CDH3: variants seen among roughly 807,000 people sequenced by gnomAD.
CDH3 encodes cadherin-3.
In CDH3, 54 loss-of-function variants were observed where a neutral mutation model predicts 82.0. That is an observed-to-expected ratio of 0.66 (90% CI 0.53 to 0.83). CDH3 has a LOEUF of 0.83. Among genes scored for constraint, CDH3 ranks in the 40% least tolerant of loss-of-function variants. The pLI is 0.00. For synonymous variants in CDH3, 446 were observed against 437.9 expected, an observed-to-expected ratio of 1.02 and a Z score of -0.23; for missense variants, 1,054 against 1,084.6, an observed-to-expected ratio of 0.97 and a Z score of 0.40.
In CDH3 at chr16:68,645,698, G is replaced by A. The variant is rs886972710; in HGVS notation, c.108G>A (p.Val36=). The A allele has an allele frequency of 7.1e-6, 11 of 1,546,284 alleles. No individual in the cohort carries two copies. Among genetic ancestry groups the A allele is most frequent in the Non-Finnish European group, 9.6e-6 (11 of 1,146,638 alleles). Reference sequence around the variant, plus strand: ...GGGCGGTCTTCAGGGAGGCTGAAGTGACCTTGGAGGCGGGAGGCGCGGAGC... The same window carrying A: ...GGGCGGTCTTCAGGGAGGCTGAAGTAACCTTGGAGGCGGGAGGCGCGGAGC... The part of the protein sequence containing the change: ...PCRAVFREAE[V]TLEAGGAEQE... Residue 36 remains valine, a synonymous_variant, in exon 2 of 16, where the codon GTG becomes GTA. Transcript: ENST00000264012.
chr16:68,646,112 G>T (rs1960053332), intron 2 of CDH3: 1 of 300,504 alleles, frequency 3.3e-6, no homozygotes, highest in Admixed American at 4.7e-5. Flanking sequence ...GCAGGTGTGG[G>T]GATGAGCCGT....
intron 2 of CDH3, among the ~76,000 whole-genome samples, chr16:68,725,382 G>T (rs1178968420): frequency 6.6e-6 from 1 of 151,794 alleles, no homozygotes; most frequent in African/African-American, 2.4e-5. Flanking sequence ...CGCCCAGGCT[G>T]GAGTGCAGTG....
intron 8 of CDH3, 72 bp downstream of exon 8, chr16:68,681,168 G>A: frequency 6.4e-7 from 1 of 1,555,852 alleles, no homozygotes; most frequent in Non-Finnish European, 8.9e-7. Flanking sequence ...CAGGAAACTG[G>A]AACCAGTCTA....
chr16:68,725,345 T>C (rs1962208113), intron 2 of CDH3, among the ~76,000 whole-genome samples: 1 of 152,084 alleles, frequency 6.6e-6, no homozygotes, highest in Non-Finnish European at 1.5e-5. Flanking sequence ...CAATTCTTTT[T>C]TTTTTTGAGA....
intron 2 of CDH3, chr16:68,651,541 C>T (rs143654849): frequency 5.0e-5 from 25 of 497,324 alleles, no homozygotes; most frequent in Non-Finnish European, 7.6e-5. Context: ...ATGTCCACCC[C>T]GCTCTGCAGC....
At chr16:68,720,183 A>C (rs759168199) in intron 1 of CDH3, among the ~76,000 whole-genome samples, 4 of 151,988 alleles carry the variant, frequency 2.6e-5, no homozygotes, top group Non-Finnish European at 5.9e-5. Flanking sequence ...CCAAACCAAA[A>C]CAAAAAACCT....
In CDH3 at chr16:68,680,844, G is replaced by A. The variant is rs934469275; in HGVS notation, c.868-124G>A. 15 of 1,079,254 alleles carry A rather than the reference G, an allele frequency of 1.4e-5. No homozygotes were observed. The African/African-American group carries it at 2.2e-4, about 16-fold the overall frequency. 66.9% of individuals were successfully genotyped at this position (1,079,254 alleles called of 1,614,324 possible). A position where few individuals can be genotyped will look rare whatever the true frequency, so the allele number is the denominator to read the frequency against. On this transcript the variant is annotated intron_variant, in intron 7 of 15. Coordinates refer to ENST00000264012, the MANE Select transcript of CDH3 (RefSeq NM_001793.6). The stretch of plus-strand genomic sequence containing the variant: ...TGGGTGAGGGGTGGTCAAGGAGTCA[G>A]CGTTATGATAGGGAGAGATCCTCCT...
intron 15 of CDH3, among the ~76,000 whole-genome samples, chr16:68,697,462 T>C (rs11075696): frequency 0.24 from 36,724 of 152,168 alleles, 4,612 homozygotes; most frequent in Admixed American, 0.28. Context: ...GAGCCTCTGC[T>C]GTAGAAGACT....
At chr16:68,704,266 C>G (rs1482362695), downstream of CDH3, among the ~76,000 whole-genome samples, 3 of 149,506 alleles carry the variant, frequency 2.0e-5, no homozygotes, top group Non-Finnish European at 4.4e-5. Flanking sequence ...CCGCCTGGGC[C>G]ACAGAGCGAG....
chr16:68,687,458 T>G, intron 11 of CDH3, 54 bp from the exon 12 acceptor site: 5 of 1,460,954 alleles, frequency 3.4e-6, no homozygotes, highest in Non-Finnish European at 4.8e-6. Context: ...GGAGCCCCCC[T>G]GAGGCTGACT....
In CDH3 at chr16:68,698,230, T is replaced by C. The variant is rs750806169; in HGVS notation, c.2320T>C (p.Tyr774His). ...AANTDPTAPP[Y>H]DTLLVFDYEG... ...TAACACAGACCCCACAGCCCCGCCC[T>C]ACGACACCCTCTTGGTGTTCGACTA... The change falls in exon 16 of 16, where the codon TAC becomes CAC. Residue 774 changes from tyrosine to histidine, a missense_variant. Physicochemically the swap from Tyr to His is moderately conservative, Grantham distance 83. Coordinates refer to ENST00000264012, the MANE Select transcript of CDH3 (RefSeq NM_001793.6). 1.9e-6 allele frequency: 3 copies of C among 1,614,188 alleles called. No individual in the cohort carries two copies. Among genetic ancestry groups the C allele is most frequent in the Non-Finnish European group, 2.5e-6 (3 of 1,180,030 alleles).
intron 2 of CDH3, among the ~76,000 whole-genome samples, chr16:68,650,014 A>C (rs897611269): frequency 2.6e-5 from 4 of 151,970 alleles, no homozygotes; most frequent in African/African-American, 9.7e-5. Flanking sequence ...AGCCTGGGCA[A>C]CAGAGTGAGA....
chr16:68,646,045 T>G, intron 2 of CDH3: 1 of 433,306 alleles, frequency 2.3e-6, no homozygotes, highest in Non-Finnish European at 4.2e-6. Flanking sequence ...TGGGAAGTTC[T>G]CCCCCGCTGG....
intron 2 of CDH3, among the ~76,000 whole-genome samples, chr16:68,662,862 AAG>A (rs1960628071): frequency 9.6e-6 from 1 of 103,658 alleles, no homozygotes; most frequent in Admixed American, 1.1e-4. Flanking sequence ...GGATTTTTTA[AAG>A]TTTTTTTTTT....
At position 68,724,780 on chromosome 16, in the gene CDH3, A is replaced by G. The variant is rs193107750; in HGVS notation, c.*45+2164A>G. 8.3e-3 allele frequency among the ~76,000 whole-genome samples: 1,260 copies of G among 152,344 alleles called. 6 individuals carry two copies. The highest frequency in any genetic ancestry group is 0.014 in the Non-Finnish European group (919 of 68,030). ...ATTAATCTATATGGATGTCACATCA[A>G]GGATTCAACGGGCATACACTAAGAA... On this transcript the variant is annotated intron_variant, in intron 2 of 2. Transcript: ENST00000569080.
chr16:68,675,005 C>T (rs978982550), intron 2 of CDH3, among the ~76,000 whole-genome samples: 2 of 151,758 alleles, frequency 1.3e-5, no homozygotes, highest in Non-Finnish European at 2.9e-5. Flanking sequence ...CTCAGCTAGT[C>T]GGGAGGCTGA....
intron 3 of CDH3, among the ~76,000 whole-genome samples, chr16:68,677,174 A>G (rs920331255): frequency 1.3e-5 from 2 of 152,220 alleles, no homozygotes; most frequent in Admixed American, 6.5e-5. Context: ...TGCTGTTCAC[A>G]TGTCTGCACC....
At position 68,687,842 on chromosome 16, in the gene CDH3, A is replaced by G. The variant is rs947292471; in HGVS notation, c.1795+106A>G. ...TTCCTATCCTAGCATCTTGTGGGCC[A>G]TGGGGACAATGATCTCCTCTAGAAC... On this transcript the variant is annotated intron_variant, in intron 12 of 15. Transcript: ENST00000264012. 1.0e-5 allele frequency: 8 copies of G among 786,388 alleles called. No individual in the cohort carries two copies. The East Asian group carries it at 1.9e-4, about 18-fold the overall frequency. The allele number at this position is 786,388 out of a possible 1,614,324, so 48.7% of individuals were successfully genotyped here.
chr16:68,671,404 C>A (rs1960880014), intron 2 of CDH3, among the ~76,000 whole-genome samples: 1 of 152,088 alleles, frequency 6.6e-6, no homozygotes, highest in Non-Finnish European at 1.5e-5. Context: ...GACAACTTCT[C>A]CCTGTGGCTT....
Sources: allele counts gnomAD v4.1 joint callset (sites outside exome capture counted in the v4.1 genomes callset), GRCh38; gene constraint gnomAD v4.1.1; transcripts MANE v1.5; gene names NCBI Gene and HGNC (gene_info 2026-07-23, HGNC 2026-07-21).